Variants in FGF13 observed in about 807,000 individuals in gnomAD.
FGF13 encodes the protein fibroblast growth factor homologous factor 2.
FGF13 carries 2 observed loss-of-function variants against 19.5 expected under a neutral mutation model. The ratio of observed to expected loss-of-function variants is 0.10; its 90% CI spans 0.04 to 0.32. The LOEUF is 0.32. FGF13 is among the 10% of genes least tolerant of loss of function. FGF13 has a pLI of 1.00. For missense variants in FGF13, 113 were observed against 192.7 expected, an observed-to-expected ratio of 0.59 and a Z score of 2.45; for synonymous variants, 72 against 76.9, an observed-to-expected ratio of 0.94 and a Z score of 0.33.
At chrX:138,862,826 T>C (rs1322135326) in intron 2 of FGF13, among the ~76,000 whole-genome samples, 1 of 111,978 alleles carries the variant, frequency 8.9e-6, no homozygotes, top group Non-Finnish European at 1.9e-5. Context: ...TGTTTGGAAA[T>C]TTCAGTTACC....
chrX:138,754,148 C>T (rs957295008), intron 3 of FGF13, among the ~76,000 whole-genome samples: 3 of 111,822 alleles, frequency 2.7e-5, no homozygotes, highest in African/African-American at 9.8e-5. Context: ...TGTGTTTCTT[C>T]TTATCAAGGA....
chrX:138,673,366 G>A (rs1339699650), intron 3 of FGF13, among the ~76,000 whole-genome samples: 2 of 110,656 alleles, frequency 1.8e-5, no homozygotes, highest in Non-Finnish European at 3.8e-5. Context: ...CGTAGCCCGC[G>A]GAAAAACTGA....
rs916565404 is a variant in FGF13 at position 138,625,802 on chromosome X, G to A, written c.*7048C>T. On this transcript the variant is annotated 3_prime_UTR_variant, in exon 5 of 5. Transcript: ENST00000315930. ...CCTTTATATACCATTTCGGTTGTTC[G>A]TAGTAATTATGTTACCTTAAAAAAA... 1.2e-4 allele frequency: 13 copies of A among 109,431 alleles called. No individual in the cohort carries two copies. The highest frequency in any genetic ancestry group is 2.3e-4 in the Non-Finnish European group (12 of 52,654). The allele number at this position is 109,431 out of a possible 1,213,427, so 9.0% of individuals were successfully genotyped here. A position where few individuals can be genotyped will look rare whatever the true frequency, so the allele number is the denominator to read the frequency against.
chrX:139,197,536 T>C (rs1222618292), intron 1 of FGF13, among the ~76,000 whole-genome samples: 1 of 111,919 alleles, frequency 8.9e-6, no homozygotes, highest in East Asian at 2.8e-4. Context: ...TAAGATTCTA[T>C]TGAATGCCCC....
intron 1 of FGF13, among the ~76,000 whole-genome samples, chrX:139,099,313 A>C (rs1309564645): frequency 3.9e-5 from 4 of 103,892 alleles, no homozygotes; most frequent in Non-Finnish European, 5.9e-5. Flanking sequence ...TCGAGTTGCT[A>C]TCCACAACTG....
chrX:138,862,794 C>G (rs2091295646), intron 2 of FGF13, among the ~76,000 whole-genome samples: 1 of 112,119 alleles, frequency 8.9e-6, no homozygotes, highest in Admixed American at 9.4e-5. Context: ...TCAATTTGTT[C>G]AAGGTAGAAA....
chrX:138,924,899 T>C (rs1285988825), intron 1 of FGF13, among the ~76,000 whole-genome samples: 1 of 109,653 alleles, frequency 9.1e-6, no homozygotes, highest in Non-Finnish European at 1.9e-5. Context: ...AAGGGCAGAA[T>C]TAAAGTCCTG....
At chrX:139,038,055 G>C (rs758226292) in intron 1 of FGF13, among the ~76,000 whole-genome samples, 3 of 110,938 alleles carry the variant, frequency 2.7e-5, no homozygotes, top group African/African-American at 9.8e-5. Context: ...AAGAAGGGCA[G>C]GGTATGTGTC....
chrX:138,927,278 T>C (rs2091678921), intron 1 of FGF13, among the ~76,000 whole-genome samples: 1 of 112,043 alleles, frequency 8.9e-6, no homozygotes, highest in East Asian at 2.8e-4. Context: ...AGTTCACACT[T>C]AGTCGGAGGC....
intron 1 of FGF13, among the ~76,000 whole-genome samples, chrX:138,982,756 G>C (rs932170746): frequency 8.9e-6 from 1 of 111,939 alleles, no homozygotes; most frequent in Non-Finnish European, 1.9e-5. Context: ...TCTCATCCAG[G>C]CTCTGCCACC....
chrX:139,016,051 A>T (rs1569442173), intron 1 of FGF13, among the ~76,000 whole-genome samples: 1 of 111,582 alleles, frequency 9.0e-6, no homozygotes, highest in Non-Finnish European at 1.9e-5. Flanking sequence ...ATATACCAAA[A>T]TTTCAACCTT....
chrX:138,703,860 A>G (rs1178287716), intron 2 of FGF13, among the ~76,000 whole-genome samples: 2 of 111,496 alleles, frequency 1.8e-5, no homozygotes, highest in African/African-American at 6.5e-5. Flanking sequence ...GATTACAAGC[A>G]TGTGCCACCA....
upstream of FGF13, among the ~76,000 whole-genome samples, chrX:138,743,205 AG>A (rs1569380961): frequency 3.6e-5 from 4 of 111,708 alleles, no homozygotes; most frequent in Admixed American, 3.8e-4. Context: ...GGCATAAAAG[AG>A]GGCTAAAAGA....
At chrX:139,200,173 G>A (rs1271567345) in intron 1 of FGF13, among the ~76,000 whole-genome samples, 2 of 112,087 alleles carry the variant, frequency 1.8e-5, no homozygotes, top group African/African-American at 6.5e-5. Context: ...ATAGACAGAT[G>A]ATCACTGTTA....
In FGF13 at chrX:139,041,902, G is replaced by C. The variant is rs750108369; in HGVS notation, c.-113+161514C>G. Among the ~76,000 whole-genome samples, 3 of 112,026 alleles carry C rather than the reference G, an allele frequency of 2.7e-5. No individual in the cohort carries two copies. The East Asian group carries it at 8.4e-4, about 31-fold the overall frequency. On this transcript the variant is annotated intron_variant, in intron 1 of 2. Transcript: ENST00000421460. ...CAAATTCGGGTAATAAACCTCAAAA[G>C]CATGTTATTCCCTAGAAAGAAAATG...
chrX:138,919,587 T>C (rs980363243), intron 1 of FGF13, among the ~76,000 whole-genome samples: 51 of 111,760 alleles, frequency 4.6e-4, no homozygotes, highest in African/African-American at 1.6e-3. Flanking sequence ...TGAAGGAAAT[T>C]GTTGCTGAGT....
At chrX:138,736,497 AG>A (rs1475182295) in intron 1 of FGF13, among the ~76,000 whole-genome samples, 1 of 111,163 alleles carries the variant, frequency 9.0e-6, no homozygotes, top group Non-Finnish European at 1.9e-5. Flanking sequence ...AGGGCCAGGC[AG>A]TTGGAACTGC....
At chrX:138,928,249 C>T (rs1362356687) in intron 1 of FGF13, among the ~76,000 whole-genome samples, 1 of 109,698 alleles carries the variant, frequency 9.1e-6, no homozygotes, top group East Asian at 2.8e-4. Context: ...ATCCTCCAGA[C>T]TGAGCAAATA....
chrX:138,772,135 T>C (rs967194660), intron 3 of FGF13, among the ~76,000 whole-genome samples: 1 of 103,693 alleles, frequency 9.6e-6, no homozygotes, highest in Admixed American at 1.1e-4. Flanking sequence ...ACAAAATTTA[T>C]TTTAAAATTA....
Sources: gnomAD v4.1 joint callset for allele counts (sites outside exome capture counted in the v4.1 genomes callset) on GRCh38, gnomAD v4.1.1 for gene constraint, MANE v1.5 for transcripts, NCBI Gene and HGNC (gene_info 2026-07-23, HGNC 2026-07-21) for gene names.